C1QTNF3: variants seen among roughly 807,000 people sequenced by gnomAD.
C1QTNF3 encodes C1q and TNF related 3.
Under a neutral mutation model 32.6 loss-of-function variants are expected in C1QTNF3, and 26 were observed. The observed-to-expected ratio is 0.80, with a 90% CI of 0.58 to 1.11. The LOEUF is 1.11. C1QTNF3 is among the 50% of genes least tolerant of loss of function. C1QTNF3 has a pLI of 0.00. For synonymous variants in C1QTNF3, 155 were observed against 146.0 expected, an observed-to-expected ratio of 1.06 and a Z score of -0.44; for missense variants, 362 against 398.2, an observed-to-expected ratio of 0.91 and a Z score of 0.77.
the C1QTNF3 span, among the ~76,000 whole-genome samples, chr5:34,048,243 G>A: frequency 1.3e-5 from 2 of 151,548 alleles, no homozygotes; most frequent in Non-Finnish European, 2.9e-5. Flanking sequence ...AATCAGAGAT[G>A]TGTGTGTTAA....
the C1QTNF3 span, among the ~76,000 whole-genome samples, chr5:34,065,613 C>T: frequency 6.6e-6 from 1 of 151,992 alleles, no homozygotes; most frequent in Non-Finnish European, 1.5e-5. Flanking sequence ...GTTGCAGTTA[C>T]CCGAAATCAA....
chr5:34,042,773 C>CAAT, intron 1 of C1QTNF3, 50 bp downstream of exon 1: 1 of 1,526,642 alleles, frequency 6.6e-7, no homozygotes. Context: ...ACAACAACAA[C>CAAT]AACACTCATT....
rs746875213 is a variant in C1QTNF3 at position 34,020,762 on chromosome 5, C to A, written c.801-20G>T. On this transcript the variant is annotated intron_variant, in intron 5 of 5. Transcript: ENST00000382065. ...TCATAGCTGGAAAGAAAAAGAGGAACAAACTACTTAGTTTTTGCCATGAAC... is the reference window on the plus strand; with the variant it reads ...TCATAGCTGGAAAGAAAAAGAGGAAAAAACTACTTAGTTTTTGCCATGAAC... The A allele has an allele frequency of 2.5e-6, 4 of 1,606,142 alleles. No homozygotes were observed. The highest frequency in any genetic ancestry group is 3.4e-6 in the Non-Finnish European group (4 of 1,174,336).
the C1QTNF3 span, among the ~76,000 whole-genome samples, chr5:34,143,619 T>C: frequency 3.0e-4 from 46 of 152,198 alleles, no homozygotes; most frequent in African/African-American, 1.0e-3. Context: ...CCAGAAGAGA[T>C]TGGGCTTAGT....
the C1QTNF3 span, among the ~76,000 whole-genome samples, chr5:34,050,014 C>A: frequency 6.6e-6 from 1 of 152,180 alleles, no homozygotes; most frequent in Non-Finnish European, 1.5e-5. Flanking sequence ...AAAATTCACA[C>A]TGTAAAAAGT....
chr5:34,123,085 T>C, the C1QTNF3 span, among the ~76,000 whole-genome samples: 2 of 151,950 alleles, frequency 1.3e-5, no homozygotes, highest in African/African-American at 4.8e-5. Context: ...GGGATGTGAC[T>C]AGATTTCAAA....
At chr5:34,224,453 C>T in the C1QTNF3 span, among the ~76,000 whole-genome samples, 13 of 151,360 alleles carry the variant, frequency 8.6e-5, no homozygotes, top group African/African-American at 3.1e-4. Context: ...CCAAAACAGA[C>T]ATATAGATCA....
Position 34,028,761 on chromosome 5 carries a change from T to C in C1QTNF3, c.693A>G (p.Pro231=). Residue 231 remains proline, a synonymous_variant, in exon 4 of 6, where the codon CCA becomes CCG. Coordinates refer to ENST00000382065, the MANE Select transcript of C1QTNF3 (RefSeq NM_181435.6). The part of the protein sequence containing the change: ...FDVMTGRFGA[P]VSGVYFFTFS... ...CCTATGTTTCCATCTCACCTGATAC[T>C]GGGGCCCCAAATCTACCAGTCATGA... 1 of 1,607,082 alleles carries C rather than the reference T, an allele frequency of 6.2e-7. No individual in the cohort carries two copies.
At chr5:34,021,012 G>C (rs1754314771) in intron 5 of C1QTNF3, among the ~76,000 whole-genome samples, 1 of 152,202 alleles carries the variant, frequency 6.6e-6, no homozygotes, top group African/African-American at 2.4e-5. Context: ...TGAATACTGG[G>C]TTCTTGGAGA....
chr5:34,226,618 A>C, the C1QTNF3 span, among the ~76,000 whole-genome samples: 1 of 151,488 alleles, frequency 6.6e-6, no homozygotes, highest in African/African-American at 2.4e-5. Context: ...CTCCTGAACA[A>C]CACAAGGTTT....
the C1QTNF3 span, among the ~76,000 whole-genome samples, chr5:34,132,669 A>G: frequency 6.6e-6 from 1 of 152,206 alleles, no homozygotes; most frequent in South Asian, 2.1e-4. Flanking sequence ...TACTATTACT[A>G]TAATTACTAT....
chr5:34,145,343 A>G, the C1QTNF3 span, among the ~76,000 whole-genome samples: 1 of 152,210 alleles, frequency 6.6e-6, no homozygotes, highest in East Asian at 1.9e-4. Flanking sequence ...CAGAAATACA[A>G]AACATCTCAG....
the C1QTNF3 span, among the ~76,000 whole-genome samples, chr5:34,127,021 C>T: frequency 1.1e-4 from 16 of 152,192 alleles, no homozygotes; most frequent in Non-Finnish European, 2.1e-4. Flanking sequence ...TCACTATGTA[C>T]CTTGCTTTCT....
chr5:34,189,317 G>A, the C1QTNF3 span, among the ~76,000 whole-genome samples: 1 of 152,262 alleles, frequency 6.6e-6, no homozygotes, highest in African/African-American at 2.4e-5. Context: ...CAGCAGGAGA[G>A]CAGGAATCTT....
At chr5:34,020,839 T>C in intron 5 of C1QTNF3, 97 bp from the exon 6 acceptor site, 1 of 1,287,034 alleles carries the variant, frequency 7.8e-7, no homozygotes, top group Non-Finnish European at 1.1e-6. Flanking sequence ...CCCACAGGTA[T>C]AATCCTGCGG....
the C1QTNF3 span, among the ~76,000 whole-genome samples, chr5:34,079,451 T>C: frequency 6.6e-6 from 1 of 151,704 alleles, no homozygotes; most frequent in Non-Finnish European, 1.5e-5. Flanking sequence ...TGTCCCAGGG[T>C]TCTCTTTTTC....
the C1QTNF3 span, among the ~76,000 whole-genome samples, chr5:34,061,434 G>A: frequency 2.6e-5 from 4 of 152,206 alleles, no homozygotes; most frequent in Admixed American, 6.5e-5. Flanking sequence ...CTCTGTGTGA[G>A]TGCTCTGACC....
At chr5:34,056,424 G>GTT in the C1QTNF3 span, among the ~76,000 whole-genome samples, 54 of 4,394 alleles carry the variant, frequency 0.012, 1 homozygote, top group East Asian at 0.15. Flanking sequence ...ATATGTATGT[G>GTT]TGTGTGTGTG....
the C1QTNF3 span, among the ~76,000 whole-genome samples, chr5:34,056,808 C>A: frequency 6.6e-6 from 1 of 152,086 alleles, no homozygotes; most frequent in East Asian, 1.9e-4. Flanking sequence ...TCGCACCCGG[C>A]CATGACTTTT....
Sources: allele counts gnomAD v4.1 joint callset (sites outside exome capture counted in the v4.1 genomes callset), GRCh38; gene constraint gnomAD v4.1.1; transcripts MANE v1.5; gene names NCBI Gene and HGNC (gene_info 2026-07-23, HGNC 2026-07-21).